SLC37A1: variants seen among roughly 807,000 people sequenced by gnomAD.
The protein encoded by SLC37A1 is solute carrier family 37 member 1, also known as glucose-6-phosphate exchanger SLC37A1.
A neutral mutation model predicts 75.3 loss-of-function variants in SLC37A1; 49 were observed. That is an observed-to-expected ratio of 0.65 (90% CI 0.52 to 0.83). The LOEUF (loss-of-function observed/expected upper bound fraction) is 0.83, where lower values mean the gene tolerates loss of function less well. Ranked by LOEUF, SLC37A1 falls within the 40% of genes least tolerant of loss-of-function variation. SLC37A1 has a pLI of 0.00. For missense variants in SLC37A1, 566 were observed against 695.0 expected, an observed-to-expected ratio of 0.81 and a Z score of 2.09; for synonymous variants, 268 against 292.1, an observed-to-expected ratio of 0.92 and a Z score of 0.84.
chr21:42,521,517 CA>C (rs1039194040), intron 2 of SLC37A1, among the ~76,000 whole-genome samples: 3 of 152,204 alleles, frequency 2.0e-5, no homozygotes, highest in African/African-American at 7.2e-5. Flanking sequence ...TAATAACAGT[CA>C]AACAAGGAGA....
intron 3 of SLC37A1, among the ~76,000 whole-genome samples, chr21:42,531,222 C>T (rs973732011): frequency 2.0e-5 from 3 of 152,142 alleles, no homozygotes; most frequent in African/African-American, 7.2e-5. Context: ...GGCCCCGCCG[C>T]CTTCCCCGCA....
Position 42,533,773 on chromosome 21 carries a change from C to T in SLC37A1, c.139-925C>T, listed in dbSNP as rs932802822. 3.9e-5 allele frequency among the ~76,000 whole-genome samples: 6 copies of T among 152,306 alleles called. No homozygotes were observed. The South Asian group carries it at 6.2e-4, about 16-fold the overall frequency. ...AGTGACTTCTGTAACTGGGCAGCAG[C>T]CTTGTCTGCAGAGGGGGAGACCGAG... On this transcript the variant is annotated intron_variant, in intron 3 of 19. Transcript: ENST00000352133.
intron 9 of SLC37A1, among the ~76,000 whole-genome samples, chr21:42,549,647 C>T (rs1040614248): frequency 6.6e-6 from 1 of 152,210 alleles, no homozygotes; most frequent in South Asian, 2.1e-4. Context: ...ACCCTTGTCA[C>T]GGGCCTTCCT....
At chr21:42,534,121 T>A (rs1373846839) in intron 3 of SLC37A1, among the ~76,000 whole-genome samples, 1 of 152,152 alleles carries the variant, frequency 6.6e-6, no homozygotes, top group Non-Finnish European at 1.5e-5. Context: ...ATTGTCCCCC[T>A]TTAGGTAACC....
intron 10 of SLC37A1, among the ~76,000 whole-genome samples, chr21:42,555,149 C>A (rs112721797): frequency 0.14 from 21,425 of 151,854 alleles, 2,172 homozygotes; most frequent in African/African-American, 0.28. Flanking sequence ...CCACACCTGG[C>A]TGAATTTTGT....
chr21:42,579,152 C>T (rs965895853), intron 18 of SLC37A1, among the ~76,000 whole-genome samples: 5 of 152,242 alleles, frequency 3.3e-5, no homozygotes, highest in South Asian at 2.1e-4. Context: ...GCTCTGGGTC[C>T]GGCGAGGAGC....
At position 42,545,868 on chromosome 21, in the gene SLC37A1, C is replaced by T. The variant is rs1432654086; in HGVS notation, c.731-1235C>T. Among the ~76,000 whole-genome samples the T allele has an allele frequency of 2.0e-5, 3 of 152,266 alleles. No homozygotes were observed. Among genetic ancestry groups the T allele is most frequent in the Admixed American group, 6.5e-5 (1 of 15,292 alleles). The stretch of plus-strand genomic sequence containing the variant: ...GTGCCCAGGACAGGAGGGCGACGCA[C>T]CCCACAGCCAGCCACGGACCTCTGG... On this transcript the variant is annotated intron_variant, in intron 8 of 19. Coordinates refer to ENST00000352133, the MANE Select transcript of SLC37A1 (RefSeq NM_001320537.2). The surrounding 1 kb of genome is among the most constrained non-coding windows in gnomAD (Gnocchi z 4.0).
At chr21:42,556,104 G>A (rs539139637) in intron 10 of SLC37A1, among the ~76,000 whole-genome samples, 6 of 152,328 alleles carry the variant, frequency 3.9e-5, no homozygotes, top group Non-Finnish European at 8.8e-5. Context: ...GAAGAGACAT[G>A]TAAAGAAAGC....
chr21:42,543,900 C>T (rs117888628), intron 8 of SLC37A1, among the ~76,000 whole-genome samples: 4,952 of 152,360 alleles, frequency 0.033, 127 homozygotes, highest in South Asian at 0.077. Flanking sequence ...TTCCATCTTC[C>T]CACAGGCTGT....
rs1292068012 is a variant in SLC37A1 at position 42,547,088 on chromosome 21, T to C, written c.731-15T>C. The C allele has an allele frequency of 2.5e-6, 4 of 1,614,034 alleles. No individual in the cohort carries two copies. The highest frequency in any genetic ancestry group is 1.1e-5 in the South Asian group (1 of 91,086). On this transcript the variant is annotated splice_polypyrimidine_tract_variant and intron_variant, in intron 8 of 19. Transcript: ENST00000352133. This position sits in a 1 kb window ranked among gnomAD's most constrained non-coding sequence, Gnocchi z 6.1. The stretch of plus-strand genomic sequence containing the variant: ...TGGTGGACCTGCTCAGCCTCACTCA[T>C]GTTTGCTCTTTCAGATCCGAACGAC...
intron 2 of SLC37A1, among the ~76,000 whole-genome samples, chr21:42,506,233 T>A (rs985829939): frequency 1.3e-5 from 2 of 152,242 alleles, no homozygotes; most frequent in East Asian, 3.8e-4. Flanking sequence ...GCATATTTGA[T>A]TTTTAAACCT....
chr21:42,568,112 G>T (rs190445918), intron 16 of SLC37A1, among the ~76,000 whole-genome samples: 2 of 152,236 alleles, frequency 1.3e-5, no homozygotes, highest in African/African-American at 4.8e-5. Context: ...CGGAACAAAC[G>T]TTTTTTATTT....
At chr21:42,535,321 A>G (rs1250543131) in intron 4 of SLC37A1, 151 bp from the exon 5 acceptor site, 5 of 643,574 alleles carry the variant, frequency 7.8e-6, no homozygotes, top group Non-Finnish European at 1.4e-5. Context: ...CTGAACAGAA[A>G]ATGCACCGCC....
intron 12 of SLC37A1, among the ~76,000 whole-genome samples, chr21:42,562,925 G>A (rs1306149745): frequency 2.0e-5 from 3 of 152,152 alleles, no homozygotes; most frequent in Non-Finnish European, 4.4e-5. Flanking sequence ...AATGGGGGAG[G>A]CTGAGGAGCA....
intron 9 of SLC37A1, among the ~76,000 whole-genome samples, chr21:42,550,073 A>G (rs1292690952): frequency 1.3e-5 from 2 of 152,216 alleles, no homozygotes; most frequent in Non-Finnish European, 2.9e-5. Flanking sequence ...ATGTTTCCAA[A>G]ATATAAGGAC....
At chr21:42,521,925 G>A (rs1274937402) in intron 2 of SLC37A1, among the ~76,000 whole-genome samples, 2 of 152,226 alleles carry the variant, frequency 1.3e-5, no homozygotes, top group Non-Finnish European at 2.9e-5. Flanking sequence ...CATCCCTGGA[G>A]GTCAGAAGTC....
At chr21:42,527,066 G>A (rs1255521423) in intron 3 of SLC37A1, among the ~76,000 whole-genome samples, 1 of 152,108 alleles carries the variant, frequency 6.6e-6, no homozygotes, top group African/African-American at 2.4e-5. Flanking sequence ...TGAAGGATCT[G>A]GTGTAGTTGG....
chr21:42,528,752 C>T (rs191581219), intron 3 of SLC37A1, among the ~76,000 whole-genome samples: 1 of 152,290 alleles, frequency 6.6e-6, no homozygotes, highest in African/African-American at 2.4e-5. Context: ...TAGCTTGAAT[C>T]CGGGAGGCGA....
At position 42,514,294 on chromosome 21, in the gene SLC37A1, C is replaced by G. The variant is rs1042849177; in HGVS notation, c.-602C>G. The G allele has an allele frequency of 6.6e-6, 1 of 152,132 alleles. No individual in the cohort carries two copies. Among genetic ancestry groups the G allele is most frequent in the Admixed American group, 6.5e-5 (1 of 15,288 alleles). The allele number at this position is 152,132 out of a possible 1,614,324, so 9.4% of individuals were successfully genotyped here. A position where few individuals can be genotyped will look rare whatever the true frequency, so the allele number is the denominator to read the frequency against. ...GAGGCAGAGGGAGCGGGCACGGGGC[C>G]GGCAGCCGCTCCACGGAGTCCCCGG... On this transcript the variant is annotated 5_prime_UTR_variant, in exon 1 of 20. Coordinates refer to ENST00000352133, the MANE Select transcript of SLC37A1 (RefSeq NM_001320537.2). This position sits in a 1 kb window ranked among gnomAD's most constrained non-coding sequence, Gnocchi z 4.8.
Sources: gnomAD v4.1 joint callset for allele counts (sites outside exome capture counted in the v4.1 genomes callset) on GRCh38, gnomAD v4.1.1 for gene constraint, Gnocchi (gnomAD v3.1) non-coding constraint, MANE v1.5 for transcripts, NCBI Gene and HGNC (gene_info 2026-07-23, HGNC 2026-07-21) for gene names.